KLF8: variants seen among roughly 807,000 people sequenced by gnomAD.
KLF8 encodes Krueppel-like factor 8.
A neutral mutation model predicts 18.2 loss-of-function variants in KLF8; 10 were observed. The observed-to-expected ratio is 0.55, with a 90% CI of 0.34 to 0.93. The LOEUF (loss-of-function observed/expected upper bound fraction) is 0.93. KLF8 is among the 40% of genes least tolerant of loss of function. KLF8 has a pLI of 0.02. For missense variants in KLF8, 264 were observed against 277.9 expected (o/e 0.95, Z 0.36); for synonymous variants, 109 against 97.3 (o/e 1.12, Z -0.71).
At chrX:56,034,288 A>G in the KLF8 span, among the ~76,000 whole-genome samples, 11 of 112,048 alleles carry the variant, frequency 9.8e-5, no homozygotes, top group Non-Finnish European at 3.8e-5. Context: ...TTCCCATTGT[A>G]TATTATTGGC....
chrX:56,165,392 T>C, the KLF8 span, among the ~76,000 whole-genome samples: 4 of 112,406 alleles, frequency 3.6e-5, no homozygotes, highest in South Asian at 1.5e-3. Context: ...ATGTGTAATG[T>C]GAAACAATAT....
At chrX:56,032,677 G>T in the KLF8 span, among the ~76,000 whole-genome samples, 24 of 112,202 alleles carry the variant, frequency 2.1e-4, no homozygotes, top group African/African-American at 7.8e-4. Flanking sequence ...TATTGTTGTT[G>T]TTCAGTAGTT....
the KLF8 span, among the ~76,000 whole-genome samples, chrX:55,937,465 G>C: frequency 8.9e-6 from 1 of 112,302 alleles, no homozygotes; most frequent in Admixed American, 9.4e-5. Flanking sequence ...AAATCAGAGC[G>C]ACTCTCCTCC....
chrX:56,060,658 CTGT>C, the KLF8 span, among the ~76,000 whole-genome samples: 40 of 110,929 alleles, frequency 3.6e-4, no homozygotes, highest in Middle Eastern at 4.6e-3. Context: ...TTTTTTGTTG[CTGT>C]TGTTGTGTCT....
At chrX:56,215,134 G>T in the KLF8 span, among the ~76,000 whole-genome samples, 6 of 111,670 alleles carry the variant, frequency 5.4e-5, no homozygotes, top group African/African-American at 2.0e-4. Flanking sequence ...CATATTAAGT[G>T]CTCAATTAAG....
chrX:56,146,405 C>G, the KLF8 span, among the ~76,000 whole-genome samples: 1 of 111,671 alleles, frequency 9.0e-6, no homozygotes, highest in Non-Finnish European at 1.9e-5. Flanking sequence ...AGTTCATGTT[C>G]TTTGCAGAGA....
intron 2 of KLF8, among the ~76,000 whole-genome samples, chrX:56,264,401 G>A (rs906122556): frequency 2.8e-5 from 3 of 108,111 alleles, no homozygotes; most frequent in Non-Finnish European, 3.9e-5. Flanking sequence ...ACTAATAAAT[G>A]TATTTATTGG....
At chrX:56,179,949 C>A in the KLF8 span, among the ~76,000 whole-genome samples, 1 of 111,273 alleles carries the variant, frequency 9.0e-6, no homozygotes. Context: ...TTCTAAAATT[C>A]TCTTTTTTTT....
At chrX:56,112,430 G>C in the KLF8 span, among the ~76,000 whole-genome samples, 1 of 111,454 alleles carries the variant, frequency 9.0e-6, no homozygotes, top group Admixed American at 9.5e-5. Flanking sequence ...GTATACCTAT[G>C]TAACAAACTT....
At chrX:55,998,647 G>T in the KLF8 span, among the ~76,000 whole-genome samples, 1 of 111,586 alleles carries the variant, frequency 9.0e-6, no homozygotes, top group Non-Finnish European at 1.9e-5. Flanking sequence ...GTTTTTCTTA[G>T]TACATAACAA....
At chrX:56,070,770 G>C in the KLF8 span, among the ~76,000 whole-genome samples, 1 of 112,242 alleles carries the variant, frequency 8.9e-6, no homozygotes, top group Admixed American at 9.4e-5. Flanking sequence ...CATGTATCTT[G>C]GAACTATAAG....
chrX:56,233,496 G>A (rs1163484411), intron 1 of KLF8, among the ~76,000 whole-genome samples, 155 bp downstream of exon 1: 10 of 112,211 alleles, frequency 8.9e-5, no homozygotes, highest in South Asian at 3.7e-4. Flanking sequence ...GGAATCAAAT[G>A]AAACTCAAGG....
the KLF8 span, among the ~76,000 whole-genome samples, chrX:56,139,166 A>C: frequency 3.6e-5 from 4 of 111,924 alleles, no homozygotes; most frequent in Non-Finnish European, 7.5e-5. Flanking sequence ...AAGACAAACA[A>C]ATGGAAAAAC....
At chrX:56,126,240 C>T in the KLF8 span, among the ~76,000 whole-genome samples, 2 of 111,585 alleles carry the variant, frequency 1.8e-5, no homozygotes, top group African/African-American at 6.5e-5. Context: ...ACATTAGATT[C>T]ATCACTGTGT....
In KLF8 at chrX:56,287,286, A is replaced by C. The variant is rs1055378947; in HGVS notation, c.*2792A>C. 6 of 112,086 alleles carry C rather than the reference A, an allele frequency of 5.4e-5. No individual in the cohort carries two copies. The highest frequency in any genetic ancestry group is 1.6e-4 in the African/African-American group (5 of 30,845). 9.2% of individuals were successfully genotyped at this position (112,086 alleles called of 1,213,427 possible). On this transcript the variant is annotated 3_prime_UTR_variant, in exon 6 of 6. Coordinates refer to ENST00000468660, the MANE Select transcript of KLF8 (RefSeq NM_007250.5). The stretch of plus-strand genomic sequence containing the variant: ...CTACAAAAAATGATAAAAGCTTTCC[A>C]ATTACTTACATATGCTCTAACAAGT...
chrX:55,933,000 G>T, the KLF8 span, among the ~76,000 whole-genome samples: 96 of 111,394 alleles, frequency 8.6e-4, no homozygotes, highest in African/African-American at 3.1e-3. Context: ...TTAAAATTCT[G>T]TTTATGTCAT....
chrX:56,063,389 T>C, the KLF8 span, among the ~76,000 whole-genome samples: 4 of 112,250 alleles, frequency 3.6e-5, no homozygotes, highest in Middle Eastern at 9.1e-3. Context: ...TGCTATTCCT[T>C]TCTGTTGTTA....
the KLF8 span, among the ~76,000 whole-genome samples, chrX:56,154,449 T>C: frequency 2.5e-3 from 284 of 111,576 alleles, no homozygotes; most frequent in African/African-American, 8.9e-3. Context: ...ATACAAAAAT[T>C]AATTCAAGAT....
the KLF8 span, among the ~76,000 whole-genome samples, chrX:56,058,305 T>C: frequency 2.1e-4 from 16 of 76,047 alleles, no homozygotes; most frequent in African/African-American, 4.1e-4. Context: ...TATATATATA[T>C]ATATATATAT....
Sources: gnomAD v4.1 joint callset for allele counts (sites outside exome capture counted in the v4.1 genomes callset) on GRCh38, gnomAD v4.1.1 for gene constraint, MANE v1.5 for transcripts, NCBI Gene and HGNC (gene_info 2026-07-23, HGNC 2026-07-21) for gene names.